Variants in NFATC1 observed in about 807,000 individuals in gnomAD.
The protein encoded by NFATC1 is nuclear factor of activated T cells 1, also known as nuclear factor of activated T-cells, cytoplasmic 1.
NFATC1 carries 22 observed loss-of-function variants against 76.0 expected under a neutral mutation model. The observed-to-expected ratio is 0.29, with a 90% confidence interval of 0.21 to 0.41. The LOEUF is 0.41. Ranked by LOEUF, NFATC1 falls within the 10% of genes least tolerant of loss-of-function variation. The probability of loss-of-function intolerance (pLI) is 1.00; values close to 1 mark genes in which losing one functional copy is unlikely to be tolerated. For synonymous variants in NFATC1, 704 were observed against 613.1 expected (o/e 1.15, Z -2.19); for missense variants, 1,357 against 1,337.7 (o/e 1.01, Z -0.23).
chr18:79,437,766 C>T (rs1043793804), intron 3 of NFATC1, among the ~76,000 whole-genome samples: 7 of 152,214 alleles, frequency 4.6e-5, no homozygotes, highest in African/African-American at 1.7e-4. Flanking sequence ...CCCTGGAGGG[C>T]CTGCTCTGCT....
At chr18:79,485,262 T>C (rs1466846247) in intron 8 of NFATC1, among the ~76,000 whole-genome samples, 2 of 152,364 alleles carry the variant, frequency 1.3e-5, no homozygotes, top group Admixed American at 1.3e-4. Context: ...GCTTGCTGTC[T>C]GCGTAGCATT....
chr18:79,411,615 C>CTGA, intron 2 of NFATC1, 114 bp downstream of exon 2: 1 of 883,894 alleles, frequency 1.1e-6, no homozygotes, highest in Non-Finnish European at 1.4e-6. Flanking sequence ...GGACGAGAGT[C>CTGA]AGGACCTGGG....
intron 3 of NFATC1, among the ~76,000 whole-genome samples, chr18:79,439,386 C>T (rs971052509): frequency 5.3e-5 from 8 of 152,054 alleles, no homozygotes; most frequent in Non-Finnish European, 8.8e-5. Flanking sequence ...ACGGGGAGGA[C>T]GCCGTGGGGT....
intron 1 of NFATC1, among the ~76,000 whole-genome samples, chr18:79,408,667 C>T (rs1469812370): frequency 6.6e-6 from 1 of 152,234 alleles, no homozygotes; most frequent in Non-Finnish European, 1.5e-5. Context: ...CAGTGATAAG[C>T]CTGTTAAAAT....
At chr18:79,493,113 A>T (rs1452631027) in intron 9 of NFATC1, among the ~76,000 whole-genome samples, 1 of 152,144 alleles carries the variant, frequency 6.6e-6, no homozygotes, top group Non-Finnish European at 1.5e-5. Flanking sequence ...TGTATCTTGC[A>T]TTATTTTAAA....
At chr18:79,527,506 C>A (rs1018719682) in intron 9 of NFATC1, 22 bp from the exon 10 acceptor site, 34 of 1,606,152 alleles carry the variant, frequency 2.1e-5, no homozygotes, top group Non-Finnish European at 2.7e-5. Flanking sequence ...CTAATACTTT[C>A]TCAATTTTTC....
chr18:79,523,270 A>G (rs2090662852), intron 9 of NFATC1, among the ~76,000 whole-genome samples: 1 of 152,236 alleles, frequency 6.6e-6, no homozygotes, highest in African/African-American at 2.4e-5. Flanking sequence ...CCAGGCAGCA[A>G]GGGGGCAAAA....
rs560797460 is a variant in NFATC1, at chr18:79,411,060, C to T, written c.785C>T (p.Pro262Leu). 7 of 1,611,990 alleles carry T rather than the reference C, an allele frequency of 4.3e-6. No individual in the cohort carries two copies. The South Asian group carries it at 4.4e-5, about 10-fold the overall frequency. Residue 262 changes from proline (P) to leucine (L), a missense_variant, in exon 2 of 10, where the codon CCT (proline) becomes CTT (leucine). Transcript: ENST00000427363. ...LGARSSRPAS[P>L]CNKRKYSLNG... ...GCCCGCTCCTCCAGACCCGCGTCCCCTTGCAACAAGAGGAAGTACAGCCTC... is the reference window on the plus strand; with the variant it reads ...GCCCGCTCCTCCAGACCCGCGTCCCTTTGCAACAAGAGGAAGTACAGCCTC...
intron 6 of NFATC1, among the ~76,000 whole-genome samples, chr18:79,456,252 A>G (rs574419561): frequency 6.6e-6 from 1 of 152,334 alleles, no homozygotes; most frequent in South Asian, 2.1e-4. Context: ...CGGGACACAC[A>G]CATTCACCGC....
At chr18:79,476,092 C>G (rs1053695244) in intron 8 of NFATC1, among the ~76,000 whole-genome samples, 1 of 152,186 alleles carries the variant, frequency 6.6e-6, no homozygotes, top group Admixed American at 6.5e-5. Flanking sequence ...GGGCCACGGG[C>G]CACCAAAAAC....
At chr18:79,436,710 C>A (rs1470446981) in intron 3 of NFATC1, among the ~76,000 whole-genome samples, 3 of 152,164 alleles carry the variant, frequency 2.0e-5, no homozygotes, top group Admixed American at 2.0e-4. Flanking sequence ...CTCGCTCTTA[C>A]TTGTGGGTGC....
chr18:79,436,136 G>A (rs1054689628), intron 3 of NFATC1, among the ~76,000 whole-genome samples: 3 of 152,334 alleles, frequency 2.0e-5, no homozygotes, highest in East Asian at 3.9e-4. Flanking sequence ...GAAGCTCCTC[G>A]TAACCGCAGA....
At chr18:79,441,395 A>G (rs963060685) in intron 3 of NFATC1, among the ~76,000 whole-genome samples, 6 of 151,862 alleles carry the variant, frequency 4.0e-5, no homozygotes, top group African/African-American at 1.2e-4. Flanking sequence ...CTCCCCCGTG[A>G]TTTCGGTTTT....
intron 8 of NFATC1, among the ~76,000 whole-genome samples, chr18:79,474,959 G>A (rs184347929): frequency 6.5e-5 from 7 of 106,960 alleles, no homozygotes; most frequent in African/African-American, 2.0e-4. Flanking sequence ...GTGTTCTCAC[G>A]CTCACTGTCG....
In NFATC1 at chr18:79,411,418, C is replaced by T; in HGVS notation, c.1143C>T (p.Gly381=). ...YSSFQHIRKG[G]FCDQYLAVPQ... is the part of the protein sequence containing the mutation. ...CTTTCCAGCACATCAGGAAGGGCGG[C>T]TTCTGCGACCAGTACCTGGCGGTGC... The change falls in exon 2 of 10, where the codon GGC becomes GGT. Residue 381 remains glycine (G), a synonymous_variant. Coordinates refer to ENST00000427363, the MANE Select transcript of NFATC1 (RefSeq NM_001278669.2). The T allele has an allele frequency of 6.4e-7, 1 of 1,552,756 alleles. No homozygotes were observed. Among genetic ancestry groups the T allele is most frequent in the Non-Finnish European group, 8.7e-7 (1 of 1,152,570 alleles).
intron 2 of NFATC1, among the ~76,000 whole-genome samples, chr18:79,433,006 C>T (rs559269315): frequency 2.3e-3 from 357 of 152,274 alleles, no homozygotes; most frequent in Non-Finnish European, 2.7e-3. Flanking sequence ...CGTACCCCGC[C>T]CTGCTGCGTT....
At chr18:79,401,444 C>T (rs1476690077) in intron 1 of NFATC1, among the ~76,000 whole-genome samples, 1 of 152,004 alleles carries the variant, frequency 6.6e-6, no homozygotes, top group African/African-American at 2.4e-5. Flanking sequence ...CACCACTCCC[C>T]AAATGTCTTC....
intron 6 of NFATC1, among the ~76,000 whole-genome samples, chr18:79,458,323 G>A (rs1329671558): frequency 2.0e-5 from 3 of 149,350 alleles, no homozygotes; most frequent in African/African-American, 7.7e-5. Context: ...CAGGGCACGA[G>A]GATGCTTTGG....
chr18:79,440,822 T>A (rs185552530), intron 3 of NFATC1, among the ~76,000 whole-genome samples: 43 of 152,372 alleles, frequency 2.8e-4, no homozygotes, highest in African/African-American at 1.0e-3. Flanking sequence ...ACACTCCTCT[T>A]CTCTGAGGAG....
Sources: gnomAD v4.1 joint callset for allele counts (sites outside exome capture counted in the v4.1 genomes callset) on GRCh38, gnomAD v4.1.1 for gene constraint, MANE v1.5 for transcripts, NCBI Gene and HGNC (gene_info 2026-07-23, HGNC 2026-07-21) for gene names.